SMAD9: variants seen among roughly 807,000 people sequenced by gnomAD.
SMAD9 encodes the protein SMAD family member 9, also known as MAD homolog 9.
SMAD9 carries 36 observed loss-of-function variants against 46.1 expected under a neutral mutation model. The observed-to-expected ratio is 0.78, with a 90% CI of 0.60 to 1.03. The LOEUF (loss-of-function observed/expected upper bound fraction) is 1.03, where lower values mean the gene tolerates loss of function less well. Among genes scored for constraint, SMAD9 ranks in the 50% least tolerant of loss-of-function variants. The pLI is 0.00. For synonymous variants in SMAD9, 245 were observed against 237.1 expected, an observed-to-expected ratio of 1.03 and a Z score of -0.31; for missense variants, 572 against 599.8, an observed-to-expected ratio of 0.95 and a Z score of 0.48.
chr13:36,862,067 T>C lies in SMAD9; in HGVS notation c.1003+3470A>G, dbSNP rs1170387046. Among the ~76,000 whole-genome samples, 3 of 152,202 alleles carry C rather than the reference T, an allele frequency of 2.0e-5. No homozygotes were observed. In the East Asian group the frequency reaches 5.8e-4, roughly 29 times the overall value. On this transcript the variant is annotated intron_variant, in intron 5 of 6. Coordinates refer to ENST00000379826, the MANE Select transcript of SMAD9 (RefSeq NM_001127217.3). Reference sequence around the variant, plus strand: ...TAAAACTGGAAGGCCCCGCAACAATTTGAATGGACCCCCTCTCCTCAGCCA... The same window carrying C: ...TAAAACTGGAAGGCCCCGCAACAATCTGAATGGACCCCCTCTCCTCAGCCA...
intron 1 of SMAD9, among the ~76,000 whole-genome samples, chr13:36,885,316 T>C (rs1593597012): frequency 6.6e-6 from 1 of 152,298 alleles, no homozygotes; most frequent in East Asian, 1.9e-4. Flanking sequence ...CTGGCTGTTA[T>C]TATCACCATT....
intron 4 of SMAD9, 93 bp downstream of exon 4, chr13:36,867,180 A>C (rs1472894980): frequency 1.2e-6 from 1 of 844,848 alleles, no homozygotes; most frequent in Non-Finnish European, 2.0e-6. Flanking sequence ...AGGCCAGTAC[A>C]TTTCTGGTTT....
chr13:36,853,445 A>G lies in SMAD9; in HGVS notation c.1234T>C (p.Cys412Arg). 1.2e-6 allele frequency: 2 copies of G among 1,614,156 alleles called. No homozygotes were observed. The highest frequency in any genetic ancestry group is 1.7e-6 in the Non-Finnish European group (2 of 1,180,030). ...FEVVYELTKM[C>R]TIRMSFVKGW... ...TTAACAAAACTCATCCGGATAGTACACATCTTGGTCAGTTCATACACGACT... is the reference window on the plus strand; with the variant it reads ...TTAACAAAACTCATCCGGATAGTACGCATCTTGGTCAGTTCATACACGACT... Residue 412 changes from cysteine (C) to arginine (R), a missense_variant, in exon 6 of 7, where the codon TGT becomes CGT. Cys to Arg is a radical substitution (Grantham distance 180). Coordinates refer to ENST00000379826, the MANE Select transcript of SMAD9 (RefSeq NM_001127217.3).
At position 36,865,723 on chromosome 13, in the gene SMAD9, A is replaced by G; in HGVS notation, c.817T>C (p.Trp273Arg). 6.2e-7 allele frequency: 1 copy of G among 1,614,142 alleles called. No individual in the cohort carries two copies. Among genetic ancestry groups the G allele is most frequent in the Non-Finnish European group, 8.5e-7 (1 of 1,179,994 alleles). The change falls in exon 5 of 7, where the codon TGG (tryptophan) becomes CGG (arginine). Residue 273 changes from tryptophan to arginine, a missense_variant. Transcript: ENST00000379826. ...AGTTCATAGTAGGCGACCGAGCACCAGTGCTGGGGCTCCTCGTAACAAACT... is the reference window on the plus strand; with the variant it reads ...AGTTCATAGTAGGCGACCGAGCACCGGTGCTGGGGCTCCTCGTAACAAACT... Reference protein sequence around the residue: ...RPVCYEEPQHWCSVAYYELNN... With the variant: ...RPVCYEEPQHRCSVAYYELNN...
chr13:36,905,807 A>C (rs956297325), intron 1 of SMAD9, among the ~76,000 whole-genome samples: 7 of 108,574 alleles, frequency 6.4e-5, no homozygotes, highest in Non-Finnish European at 5.7e-5. Context: ...AAAAAAAAAA[A>C]AAAAAAAACT....
intron 1 of SMAD9, among the ~76,000 whole-genome samples, chr13:36,898,711 C>G (rs1000547663): frequency 1.3e-5 from 2 of 152,116 alleles, no homozygotes; most frequent in Non-Finnish European, 2.9e-5. Context: ...CTATTCAATA[C>G]CCATTCATGA....
Position 36,848,693 on chromosome 13 carries a change from T to C in SMAD9, c.1387A>G (p.Ile463Val). Residue 463 changes from isoleucine to valine, a missense_variant, in exon 7 of 7, where the codon ATT becomes GTT. Transcript: ENST00000379826. ...CATGACTGTTAAGACACTGAAGAAATGGGGTTATGTGGAGAGCCCATCTGA... is the reference window on the plus strand; with the variant it reads ...CATGACTGTTAAGACACTGAAGAAACGGGGTTATGTGGAGAGCCCATCTGA... Reference protein sequence around the residue: ...LTQMGSPHNPISSVS With the variant: ...LTQMGSPHNPVSSVS The C allele has an allele frequency of 1.9e-6, 3 of 1,614,120 alleles. No individual in the cohort carries two copies. Among genetic ancestry groups the C allele is most frequent in the South Asian group, 2.2e-5 (2 of 91,076 alleles).
At chr13:36,882,146 C>CA (rs1404982721) in intron 1 of SMAD9, among the ~76,000 whole-genome samples, 1 of 148,878 alleles carries the variant, frequency 6.7e-6, no homozygotes, top group Non-Finnish European at 1.5e-5. Context: ...CAAAACAAAA[C>CA]AGACTTTATT....
intron 3 of SMAD9, among the ~76,000 whole-genome samples, chr13:36,869,316 G>C (rs2058266363): frequency 6.6e-6 from 1 of 151,768 alleles, no homozygotes; most frequent in African/African-American, 2.4e-5. Flanking sequence ...TCCGACTCCT[G>C]GATTCAAGCG....
chr13:36,871,090 G>A (rs607711), intron 3 of SMAD9, among the ~76,000 whole-genome samples: 1 of 152,178 alleles, frequency 6.6e-6, no homozygotes, highest in African/African-American at 2.4e-5. Context: ...GATAAGGGGG[G>A]ACAACTACAC....
intron 1 of SMAD9, among the ~76,000 whole-genome samples, chr13:36,884,591 A>T (rs1488063800): frequency 6.6e-6 from 1 of 152,212 alleles, no homozygotes; most frequent in Non-Finnish European, 1.5e-5. Flanking sequence ...ACCATGATTT[A>T]AGTGTACATG....
At chr13:36,869,765 G>A (rs1049105222) in intron 3 of SMAD9, among the ~76,000 whole-genome samples, 107 of 151,938 alleles carry the variant, frequency 7.0e-4, no homozygotes, top group African/African-American at 2.3e-3. Flanking sequence ...GGAGGTGGAG[G>A]TTGCAGTGAG....
chr13:36,891,393 T>C (rs1466870729), intron 1 of SMAD9, among the ~76,000 whole-genome samples: 4 of 152,242 alleles, frequency 2.6e-5, no homozygotes, highest in Non-Finnish European at 5.9e-5. Flanking sequence ...TAAGTCATGA[T>C]GCCATTAGCC....
At chr13:36,911,614 C>T (rs2058661646) in intron 1 of SMAD9, among the ~76,000 whole-genome samples, 1 of 2,826 alleles carries the variant, frequency 3.5e-4, no homozygotes, top group Non-Finnish European at 8.1e-4. Context: ...CAAAGGCTGC[C>T]TGGGGGGGGG....
At chr13:36,861,455 C>T (rs2058181059) in intron 5 of SMAD9, among the ~76,000 whole-genome samples, 1 of 151,700 alleles carries the variant, frequency 6.6e-6, no homozygotes, top group Non-Finnish European at 1.5e-5. Flanking sequence ...GCTGGTATTA[C>T]AGGCACCCGC....
chr13:36,879,258 AC>A lies in SMAD9; in HGVS notation c.412+19del. 1 of 1,610,760 alleles carries A rather than the reference AC, an allele frequency of 6.2e-7. No homozygotes were observed. The highest frequency in any genetic ancestry group is 8.5e-7 in the Non-Finnish European group (1 of 1,177,294). On this transcript the variant is annotated intron_variant, in intron 2 of 6. Transcript: ENST00000379826. ...ACCTTCACTCTGAAAATAAACCTTG[AC>A]GTCGTAAAGACGACCCACCTGGAGT...
intron 3 of SMAD9, among the ~76,000 whole-genome samples, chr13:36,872,174 A>G (rs1391018081): frequency 6.6e-6 from 1 of 152,096 alleles, no homozygotes; most frequent in Non-Finnish European, 1.5e-5. Flanking sequence ...AGAAAGGGAT[A>G]ATGCACTGGC....
intron 5 of SMAD9, among the ~76,000 whole-genome samples, chr13:36,861,859 G>C (rs1039710818): frequency 6.6e-6 from 1 of 151,506 alleles, no homozygotes; most frequent in Non-Finnish European, 1.5e-5. Flanking sequence ...AACCCTGGAG[G>C]CAGAGGTTGC....
intron 1 of SMAD9, among the ~76,000 whole-genome samples, chr13:36,896,766 A>AT (rs1555244040): frequency 3.9e-5 from 6 of 151,956 alleles, no homozygotes; most frequent in Non-Finnish European, 5.9e-5. Flanking sequence ...ATTTTTGTGT[A>AT]TTTTTTCTAA....
Sources: allele counts gnomAD v4.1 joint callset (sites outside exome capture counted in the v4.1 genomes callset), GRCh38; gene constraint gnomAD v4.1.1; transcripts MANE v1.5; gene names NCBI Gene and HGNC (gene_info 2026-07-23, HGNC 2026-07-21).